The following PAK3 variants were observed in gnomAD, a reference collection of about 807,000 sequenced individuals.
PAK3 encodes p21 (RAC1) activated kinase 3.
PAK3 carries 4 observed loss-of-function variants against 41.0 expected under a neutral mutation model. The ratio of observed to expected loss-of-function variants is 0.10; its 90% CI spans 0.05 to 0.22. The LOEUF (loss-of-function observed/expected upper bound fraction) is 0.22. PAK3 is among the 10% of genes least tolerant of loss of function. The pLI, the probability that PAK3 is intolerant of heterozygous loss-of-function variation, is 1.00. For synonymous variants in PAK3, 146 were observed against 139.6 expected (o/e 1.05, Z -0.32); for missense variants, 205 against 409.9 (o/e 0.50, Z 4.32).
intron 11 of PAK3, among the ~76,000 whole-genome samples, chrX:111,178,921 TAA>T (rs1275070840): frequency 1.9e-5 from 2 of 107,203 alleles, no homozygotes; most frequent in Non-Finnish European, 3.9e-5. Flanking sequence ...AAGATAATTT[TAA>T]AAAGTTTTTT....
chrX:111,226,899 C>T lies in PAK3; in HGVS notation c.*6452C>T, dbSNP rs2094955855. ...ATGCATTGAGTTTTTAATCTCAGTA[C>T]ATCAGCCAGGAGGAGCCAGATCACA... On this transcript the variant is annotated 3_prime_UTR_variant, in exon 18 of 18. Coordinates refer to ENST00000372007, the MANE Select transcript of PAK3 (RefSeq NM_002578.5). The T allele has an allele frequency of 8.9e-6, 1 of 112,181 alleles. No homozygotes were observed. The highest frequency in any genetic ancestry group is 1.9e-5 in the Non-Finnish European group (1 of 53,260). 9.2% of individuals were successfully genotyped at this position (112,181 alleles called of 1,213,427 possible).
intron 16 of PAK3, among the ~76,000 whole-genome samples, chrX:111,196,854 CTTTTTTT>C (rs375476309): frequency 2.3e-4 from 18 of 79,200 alleles, no homozygotes; most frequent in Middle Eastern, 6.5e-3. Context: ...TTCTTTCTTT[CTTTTTTT>C]TTTTTTTTTT....
chrX:111,064,180 A>G (rs1010338760), intron 1 of PAK3, among the ~76,000 whole-genome samples: 4 of 112,301 alleles, frequency 3.6e-5, no homozygotes, highest in African/African-American at 1.3e-4. Context: ...TAGACGAATA[A>G]TTTCTTATTT....
chrX:111,072,262 A>G (rs1219628941), intron 1 of PAK3, among the ~76,000 whole-genome samples: 2 of 112,893 alleles, frequency 1.8e-5, no homozygotes, highest in Non-Finnish European at 3.7e-5. Context: ...TTGGTGCCAA[A>G]TAAGTTTTAT....
intron 1 of PAK3, among the ~76,000 whole-genome samples, chrX:110,969,094 A>ATTTTTTTTTTTTTTTTG (rs2091143349): frequency 2.5e-5 from 1 of 40,618 alleles, no homozygotes; most frequent in Non-Finnish European, 4.0e-5. Context: ...GACCTGCCTA[A>ATTTTTTTTTTTTTTTTG]TTTTTTTTTT....
rs1335262611 is a variant in PAK3 at position 111,171,843 on chromosome X, C to A, written c.767-1175C>A. On this transcript the variant is annotated intron_variant, in intron 10 of 17. Coordinates refer to ENST00000372007, the MANE Select transcript of PAK3 (RefSeq NM_002578.5). ...AATATGTTAAAGACATTCAATTGCACACTCTAGGTCACTGAACTTTATGGC... is the reference window on the plus strand; with the variant it reads ...AATATGTTAAAGACATTCAATTGCAAACTCTAGGTCACTGAACTTTATGGC... 3.1e-4 allele frequency among the ~76,000 whole-genome samples: 35 copies of A among 111,793 alleles called. 2 individuals carry two copies.
chrX:110,989,264 A>T (rs1375630827), intron 1 of PAK3, among the ~76,000 whole-genome samples: 1 of 110,783 alleles, frequency 9.0e-6, no homozygotes, highest in Non-Finnish European at 1.9e-5. Flanking sequence ...CCATTTCAAA[A>T]CTCTTCATCT....
At chrX:110,978,613 C>T (rs1255484461) in intron 1 of PAK3, among the ~76,000 whole-genome samples, 1 of 111,323 alleles carries the variant, frequency 9.0e-6, no homozygotes, top group Non-Finnish European at 1.9e-5. Flanking sequence ...ATATTTGAAT[C>T]ATATTTATGA....
chrX:111,035,475 G>A (rs2092390554), intron 1 of PAK3, among the ~76,000 whole-genome samples: 1 of 111,826 alleles, frequency 8.9e-6, no homozygotes, highest in African/African-American at 3.3e-5. Flanking sequence ...GGTAGCTGAT[G>A]CCATGCTGGG....
intron 1 of PAK3, among the ~76,000 whole-genome samples, chrX:111,043,465 C>T (rs1270614964): frequency 9.0e-6 from 1 of 111,455 alleles, no homozygotes; most frequent in African/African-American, 3.3e-5. Flanking sequence ...CATCTGAAGT[C>T]TTTGAGGGTC....
intron 4 of PAK3, among the ~76,000 whole-genome samples, chrX:111,120,760 T>C (rs2093555966): frequency 8.9e-6 from 1 of 112,254 alleles, no homozygotes; most frequent in African/African-American, 3.2e-5. Flanking sequence ...GCAATAACTT[T>C]CAAATTTCAT....
intron 1 of PAK3, among the ~76,000 whole-genome samples, chrX:110,997,579 T>C (rs1427694442): frequency 8.9e-6 from 1 of 112,028 alleles, no homozygotes; most frequent in Non-Finnish European, 1.9e-5. Flanking sequence ...CCATGGTTTT[T>C]AGCCTAGGCA....
At position 111,223,701 on chromosome X, in the gene PAK3, TTGAGA is replaced by T. The variant is rs2094939090; in HGVS notation, c.*3256_*3260del. 1 of 111,202 alleles carries T rather than the reference TTGAGA, an allele frequency of 9.0e-6. No homozygotes were observed. Among genetic ancestry groups the T allele is most frequent in the South Asian group, 3.8e-4 (1 of 2,621 alleles). 9.2% of individuals were successfully genotyped at this position (111,202 alleles called of 1,213,427 possible). A position where few individuals can be genotyped will look rare whatever the true frequency, so the allele number is the denominator to read the frequency against. ...TTGTCTGTATAACTGTTTTGATAGT[TTGAGA>T]TATTTGTCTATAAATGATATTTCTC... On this transcript the variant is annotated 3_prime_UTR_variant, in exon 18 of 18. Transcript: ENST00000372007.
At chrX:111,174,265 A>T (rs1402048431) in intron 11 of PAK3, among the ~76,000 whole-genome samples, 1 of 110,956 alleles carries the variant, frequency 9.0e-6, no homozygotes, top group Non-Finnish European at 1.9e-5. Context: ...TTGCCAGTAT[A>T]TCTCAGGAAA....
At chrX:111,085,221 TG>T (rs776943316) in intron 1 of PAK3, among the ~76,000 whole-genome samples, 3 of 111,451 alleles carry the variant, frequency 2.7e-5, no homozygotes, top group African/African-American at 9.8e-5. Flanking sequence ...CAGAAAAAAA[TG>T]TTTTTTTCAA....
chrX:111,205,321 T>G, intron 16 of PAK3, among the ~76,000 whole-genome samples: 1 of 110,618 alleles, frequency 9.0e-6, no homozygotes, highest in Non-Finnish European at 1.9e-5. Flanking sequence ...ACATGAGATT[T>G]TCTTAAATAA....
intron 8 of PAK3, among the ~76,000 whole-genome samples, chrX:111,156,689 A>G (rs1432903255): frequency 9.0e-6 from 1 of 111,652 alleles, no homozygotes; most frequent in Non-Finnish European, 1.9e-5. Flanking sequence ...GAGAATTAAA[A>G]CAGAAGCAAT....
chrX:110,964,638 A>G (rs1159721029), intron 1 of PAK3, among the ~76,000 whole-genome samples: 1 of 112,192 alleles, frequency 8.9e-6, no homozygotes, highest in African/African-American at 3.2e-5. Context: ...CTAGAATGAG[A>G]ACATTGTGAG....
chrX:111,180,872 T>A (rs2094455080), intron 11 of PAK3, among the ~76,000 whole-genome samples: 1 of 112,012 alleles, frequency 8.9e-6, no homozygotes, highest in Non-Finnish European at 1.9e-5. Context: ...TCTGTGAAGA[T>A]CCTTACAAAT....
Sources: gnomAD v4.1 joint callset for allele counts (sites outside exome capture counted in the v4.1 genomes callset) on GRCh38, gnomAD v4.1.1 for gene constraint, MANE v1.5 for transcripts, NCBI Gene and HGNC (gene_info 2026-07-23, HGNC 2026-07-21) for gene names.